The following LDHA variants were observed in gnomAD, a reference collection of about 807,000 sequenced individuals.
The protein encoded by LDHA is lactate dehydrogenase A, also known as L-lactate dehydrogenase A chain.
In LDHA, 10 loss-of-function variants were observed where a neutral mutation model predicts 36.3. The ratio of observed to expected loss-of-function variants is 0.28; its 90% CI spans 0.17 to 0.47. LDHA has a LOEUF of 0.47. Ranked by LOEUF, LDHA falls within the 20% of genes least tolerant of loss-of-function variation. The probability of loss-of-function intolerance (pLI) is 0.99; values close to 1 mark genes in which losing one functional copy is unlikely to be tolerated. For synonymous variants in LDHA, 110 were observed against 136.7 expected, an observed-to-expected ratio of 0.80 and a Z score of 1.36; for missense variants, 267 against 405.8, an observed-to-expected ratio of 0.66 and a Z score of 2.94.
chr11:18,405,618 C>A, intron 7 of LDHA, 46 bp downstream of exon 7: 1 of 1,601,306 alleles, frequency 6.2e-7, no homozygotes, highest in Non-Finnish European at 8.6e-7. Context: ...TTTTTGCTGG[C>A]TTTTTAAAAA....
chr11:18,402,802 A>G lies in LDHA; in HGVS notation c.419-38A>G, dbSNP rs186181952. ...GTATATCTTTTTTGTGTGTAGGGAG[A>G]GGATAATGGGTGATTTTTATTTTCT... is the stretch of plus-strand genomic sequence containing the variant. On this transcript the variant is annotated intron_variant, in intron 4 of 7. Transcript: ENST00000422447. The G allele has an allele frequency of 5.7e-5, 85 of 1,498,738 alleles. No individual in the cohort carries two copies. In the African/African-American group the frequency reaches 1.1e-3, roughly 19 times the overall value. 92.8% of individuals were successfully genotyped at this position (1,498,738 alleles called of 1,614,324 possible). A position where few individuals can be genotyped will look rare whatever the true frequency, so the allele number is the denominator to read the frequency against.
Position 18,408,334 on chromosome 11 carries a change from A to C in LDHA, c.*1053A>C, listed in dbSNP as rs1003314029. On this transcript the variant is annotated 3_prime_UTR_variant, in exon 8 of 8. Transcript: ENST00000422447. ...CACAACAAAACCCCATCTGTTAAAA[A>C]AACAAAACAAAACCAAAAAAAACAA... is the stretch of plus-strand genomic sequence containing the variant. 5.3e-6 allele frequency: 2 copies of C among 374,726 alleles called. No individual in the cohort carries two copies. Among genetic ancestry groups the C allele is most frequent in the African/African-American group, 4.4e-5 (2 of 45,570 alleles). 23.2% of individuals were successfully genotyped at this position (374,726 alleles called of 1,614,324 possible). A position where few individuals can be genotyped will look rare whatever the true frequency, so the allele number is the denominator to read the frequency against.
At chr11:18,400,720 A>G in intron 3 of LDHA, 117 bp from the exon 4 acceptor site, 1 of 751,914 alleles carries the variant, frequency 1.3e-6, no homozygotes, top group Non-Finnish European at 2.3e-6. Flanking sequence ...AGAAGCCATA[A>G]TGATAAAACT....
At chr11:18,402,277 A>G (rs1340961562) in intron 4 of LDHA, among the ~76,000 whole-genome samples, 2 of 151,676 alleles carry the variant, frequency 1.3e-5, no homozygotes, top group African/African-American at 4.8e-5. Context: ...CTTAGTTGAT[A>G]AACAGTTTAT....
At position 18,405,446 on chromosome 11, in the gene LDHA, C is replaced by T. The variant is rs879022081; in HGVS notation, c.711-3C>T. 6.2e-7 allele frequency: 1 copy of T among 1,612,906 alleles called. No individual in the cohort carries two copies. On this transcript the variant is annotated splice_region_variant and splice_polypyrimidine_tract_variant and intron_variant, in intron 6 of 7. Coordinates refer to ENST00000422447, the MANE Select transcript of LDHA (RefSeq NM_005566.4). ...CCTTTACCTATGGTTTCCTATCATA[C>T]AGTGCTTATGAGGTGATCAAACTCA...
In LDHA at chr11:18,400,952, C is replaced by T; in HGVS notation, c.360C>T (p.Ile120=). 5.6e-6 allele frequency: 9 copies of T among 1,613,438 alleles called. No homozygotes were observed. The highest frequency in any genetic ancestry group is 7.6e-6 in the Non-Finnish European group (9 of 1,179,630). Residue 120 remains isoleucine (I), a synonymous_variant, in exon 4 of 8, where the codon ATC becomes ATT. Coordinates refer to ENST00000422447, the MANE Select transcript of LDHA (RefSeq NM_005566.4). The part of the protein sequence containing the change: ...VQRNVNIFKF[I]IPNVVKYSPN... The stretch of plus-strand genomic sequence containing the variant: ...GTAACGTGAACATCTTTAAATTCAT[C>T]ATTCCTAATGTTGTAAAATACAGCC...
At position 18,402,945 on chromosome 11, in the gene LDHA, G is replaced by C; in HGVS notation, c.524G>C (p.Gly175Ala). 6.2e-7 allele frequency: 1 copy of C among 1,612,596 alleles called. No homozygotes were observed. The highest frequency in any genetic ancestry group is 8.5e-7 in the Non-Finnish European group (1 of 1,178,620). ...TCAGCCCGATTCCGTTACCTAATGG[G>C]GGAAAGGCTGGGAGTTCACCCATTA... ...LDSARFRYLM[G>A]ERLGVHPLSC... is the part of the protein sequence containing the mutation. The change falls in exon 5 of 8, where the codon GGG becomes GCG. Residue 175 changes from glycine to alanine, a missense_variant. By Grantham distance (60) the Gly-to-Ala change is moderately conservative. Transcript: ENST00000422447.
chr11:18,403,970 G>A (rs918968189), intron 6 of LDHA, among the ~76,000 whole-genome samples, 159 bp downstream of exon 6: 6 of 152,068 alleles, frequency 3.9e-5, no homozygotes, highest in Admixed American at 6.5e-5. Context: ...TTGCCCTTTC[G>A]CACAGGCTGC....
chr11:18,396,833 C>T lies in LDHA; in HGVS notation c.-10C>T. The T allele has an allele frequency of 1.2e-6, 2 of 1,607,676 alleles. No individual in the cohort carries two copies. The highest frequency in any genetic ancestry group is 2.2e-5 in the South Asian group (2 of 90,016). ...TCCTCCTATAGATTCCTTTTGGTTCCAAGTCCAATATGGCAACTCTAAAGG... is the reference window on the plus strand; with the variant it reads ...TCCTCCTATAGATTCCTTTTGGTTCTAAGTCCAATATGGCAACTCTAAAGG... On this transcript the variant is annotated 5_prime_UTR_variant, in exon 2 of 8. Coordinates refer to ENST00000422447, the MANE Select transcript of LDHA (RefSeq NM_005566.4).
intron 4 of LDHA, among the ~76,000 whole-genome samples, chr11:18,401,955 C>CTCTCTCTCT (rs59534512): frequency 7.1e-4 from 37 of 52,262 alleles, no homozygotes; most frequent in African/African-American, 2.1e-3. Flanking sequence ...TTGTTATTCT[C>CTCTCTCTCT]TTTTTTTTTT....
Position 18,394,578 on chromosome 11 carries a change from C to T in LDHA, c.-83C>T, listed in dbSNP as rs1182675473. ...CCAGCTCAGAGTGCTGCAGCCGCTG[C>T]CGCCGATTCCGGATCTCATTGCCAC... On this transcript the variant is annotated 5_prime_UTR_variant, in exon 1 of 8. Coordinates refer to ENST00000422447, the MANE Select transcript of LDHA (RefSeq NM_005566.4). The T allele has an allele frequency of 2.2e-6, 1 of 454,140 alleles. No homozygotes were observed. The highest frequency in any genetic ancestry group is 6.9e-5 in the East Asian group (1 of 14,394). 28.1% of individuals were successfully genotyped at this position (454,140 alleles called of 1,614,324 possible). A position where few individuals can be genotyped will look rare whatever the true frequency, so the allele number is the denominator to read the frequency against.
intron 1 of LDHA, 70 bp from the exon 2 acceptor site, chr11:18,396,749 C>T: frequency 6.9e-7 from 1 of 1,456,450 alleles, no homozygotes. Context: ...AGTAAAATAG[C>T]TTAAAAAAAT....
In LDHA at chr11:18,399,494, G is replaced by A. The variant is rs1398497148; in HGVS notation, c.190G>A (p.Asp64Asn). 6.2e-7 allele frequency: 1 copy of A among 1,613,496 alleles called. No homozygotes were observed. Residue 64 changes from aspartate (D) to asparagine (N), a missense_variant, in exon 3 of 8, where the codon GAT (aspartate) becomes AAT (asparagine). Transcript: ENST00000422447. ...IEDKLKGEMM[D>N]LQHGSLFLRT... Reference sequence around the variant, plus strand: ...AGACAAATTGAAGGGAGAGATGATGGATCTCCAACATGGCAGCCTTTTCCT... The same window carrying A: ...AGACAAATTGAAGGGAGAGATGATGAATCTCCAACATGGCAGCCTTTTCCT...
chr11:18,403,335 G>T lies in LDHA; in HGVS notation c.592+322G>T, dbSNP rs144496208. 5.9e-5 allele frequency among the ~76,000 whole-genome samples: 9 copies of T among 152,198 alleles called. No homozygotes were observed. In the East Asian group the frequency reaches 1.7e-3, roughly 29 times the overall value. On this transcript the variant is annotated intron_variant, in intron 5 of 7. Transcript: ENST00000422447. ...TTGTACTGCCTGGCCCTGAAAAGAT[G>T]AGCAAATCCAAATGCACAAAAGTTA...
rs148774730 is a variant in LDHA, at chr11:18,407,885, A to G, written c.*604A>G. 4.4e-6 allele frequency: 2 copies of G among 454,184 alleles called. No homozygotes were observed. Among genetic ancestry groups the G allele is most frequent in the Admixed American group, 4.7e-5 (2 of 42,564 alleles). 28.1% of individuals were successfully genotyped at this position (454,184 alleles called of 1,614,324 possible). A position where few individuals can be genotyped will look rare whatever the true frequency, so the allele number is the denominator to read the frequency against. ...ATTCATTATATTAAGATATAAAGTCATAAAGCTGCTAGTTATTATATTAAT... is the reference window on the plus strand; with the variant it reads ...ATTCATTATATTAAGATATAAAGTCGTAAAGCTGCTAGTTATTATATTAAT... On this transcript the variant is annotated 3_prime_UTR_variant, in exon 8 of 8. Transcript: ENST00000422447.
rs562844566 is a variant in LDHA, at chr11:18,403,108, T to A, written c.592+95T>A. 162 of 1,006,108 alleles carry A rather than the reference T, an allele frequency of 1.6e-4. 4 individuals are homozygous for A. In the South Asian group the frequency reaches 2.2e-3, roughly 14 times the overall value. 62.3% of individuals were successfully genotyped at this position (1,006,108 alleles called of 1,614,324 possible). ...CAATTAGAGCCTAATCAAATATCCA[T>A]TCAGTAGGATGGAATGGTTTCCCGA... On this transcript the variant is annotated intron_variant, in intron 5 of 7. Transcript: ENST00000422447.
In LDHA at chr11:18,407,161, C is replaced by T. The variant is rs1180818057; in HGVS notation, c.879C>T (p.Cys293=). 1.2e-6 allele frequency: 2 copies of T among 1,609,578 alleles called. No homozygotes were observed. Among genetic ancestry groups the T allele is most frequent in the Non-Finnish European group, 1.7e-6 (2 of 1,178,198 alleles). ...IKDDVFLSVP[C]ILGQNGISDL... is the part of the protein sequence containing the mutation. ...ATGATGTCTTCCTTAGTGTTCCTTGCATTTTGGGACAGAATGGAATCTCAG... is the reference window on the plus strand; with the variant it reads ...ATGATGTCTTCCTTAGTGTTCCTTGTATTTTGGGACAGAATGGAATCTCAG... The change falls in exon 8 of 8, where the codon TGC becomes TGT. Residue 293 remains cysteine, a synonymous_variant. Coordinates refer to ENST00000422447, the MANE Select transcript of LDHA (RefSeq NM_005566.4).
Position 18,403,700 on chromosome 11 carries a change from T to C in LDHA, c.599T>C (p.Val200Ala), listed in dbSNP as rs780459495. ...TCTGTACTATTTCTTTTAGTGCCTG[T>C]ATGGAGTGGAATGAATGTTGCTGGT... ...LGEHGDSSVP[V>A]WSGMNVAGVS... The change falls in exon 6 of 8, where the codon GTA (valine) becomes GCA (alanine). Residue 200 changes from valine to alanine, a missense_variant. Transcript: ENST00000422447. 10 of 1,563,432 alleles carry C rather than the reference T, an allele frequency of 6.4e-6. No homozygotes were observed.
chr11:18,401,409 T>G (rs1205906682), intron 4 of LDHA, among the ~76,000 whole-genome samples: 1 of 150,372 alleles, frequency 6.7e-6, no homozygotes, highest in Non-Finnish European at 1.5e-5. Context: ...CCTCCCAAAG[T>G]GCTAGGATTA....
Sources: gnomAD v4.1 joint callset for allele counts (sites outside exome capture counted in the v4.1 genomes callset) on GRCh38, gnomAD v4.1.1 for gene constraint, MANE v1.5 for transcripts, NCBI Gene and HGNC (gene_info 2026-07-23, HGNC 2026-07-21) for gene names.